Variants in AGBL1 observed in about 807,000 individuals in gnomAD.
AGBL1 encodes the protein AGBL carboxypeptidase 1, also known as cytosolic carboxypeptidase 4.
Under a neutral mutation model 118.9 loss-of-function variants are expected in AGBL1, and 130 were observed. The observed-to-expected ratio is 1.09, with a 90% CI of 0.95 to 1.26. The LOEUF (loss-of-function observed/expected upper bound fraction) is 1.26. Among genes scored for constraint, AGBL1 ranks in the 50% most tolerant of loss-of-function variants. AGBL1 has a pLI of 0.00. For synonymous variants in AGBL1, 555 were observed against 478.9 expected (o/e 1.16, Z -2.08); for missense variants, 1,584 against 1,298.1 (o/e 1.22, Z -3.38).
intron 22 of AGBL1, among the ~76,000 whole-genome samples, chr15:86,754,664 C>G (rs2077908245): frequency 6.6e-6 from 1 of 152,094 alleles, no homozygotes; most frequent in Non-Finnish European, 1.5e-5. Context: ...CCTGGCCTCT[C>G]CTCAGTGACA....
chr15:86,146,012 A>C (rs1223865092), intron 3 of AGBL1, among the ~76,000 whole-genome samples: 1 of 152,186 alleles, frequency 6.6e-6, no homozygotes. Context: ...GACCACAGAG[A>C]CTTGATATAT....
rs867020680 is a variant in AGBL1, at chr15:86,969,696, C to T, written c.3222-18291C>T. On this transcript the variant is annotated intron_variant, in intron 23 of 24. Transcript: ENST00000441037. ...AAGGGTAGATGTACATATATATCTG[C>T]AGATATTTGTTGGTTGAATTTGCAT... 1.3e-5 allele frequency among the ~76,000 whole-genome samples: 2 copies of T among 151,932 alleles called. 1 individual carries two copies. Among genetic ancestry groups the T allele is most frequent in the South Asian group, 4.2e-4 (2 of 4,816 alleles).
intron 17 of AGBL1, among the ~76,000 whole-genome samples, chr15:86,383,247 TAAAAAAAAA>T (rs4035838): frequency 5.5e-5 from 3 of 54,480 alleles, no homozygotes; most frequent in East Asian, 2.5e-3. Context: ...ATTCAGTATG[TAAAAAAAAA>T]AAAAAAAAAA....
intron 22 of AGBL1, among the ~76,000 whole-genome samples, chr15:86,675,929 A>G (rs2085838183): frequency 6.6e-6 from 1 of 152,230 alleles, no homozygotes; most frequent in African/African-American, 2.4e-5. Flanking sequence ...GAAATCTATC[A>G]AAGAAATGCC....
chr15:86,660,662 A>G (rs2085524251), intron 21 of AGBL1, among the ~76,000 whole-genome samples: 1 of 152,056 alleles, frequency 6.6e-6, no homozygotes, highest in African/African-American at 2.4e-5. Flanking sequence ...CAGCAATCTC[A>G]TTGCTTTTAA....
In AGBL1 at chr15:87,016,480, A is replaced by C. The variant is rs568608297; in HGVS notation, c.3324-12345A>C. Reference sequence around the variant, plus strand: ...CAAAGGAAGTCTCAACAAAATACTTATCTCTCTGGCCTTTATTATCTCATC... The same window carrying C: ...CAAAGGAAGTCTCAACAAAATACTTCTCTCTCTGGCCTTTATTATCTCATC... On this transcript the variant is annotated intron_variant, in intron 24 of 24. Coordinates refer to the AGBL1 transcript ENST00000441037. Among the ~76,000 whole-genome samples the C allele has an allele frequency of 3.9e-5, 6 of 152,306 alleles. No homozygotes were observed. In the East Asian group the frequency reaches 5.8e-4, roughly 15 times the overall value.
At chr15:86,689,254 A>G (rs2086118698) in intron 22 of AGBL1, among the ~76,000 whole-genome samples, 1 of 152,142 alleles carries the variant, frequency 6.6e-6, no homozygotes, top group African/African-American at 2.4e-5. Flanking sequence ...CTTAAATGTC[A>G]TAATCTCAGC....
In AGBL1 at chr15:86,987,986, G is replaced by A. The variant is rs773412225; in HGVS notation, c.3222-1G>A. ...ACCACTCATTTATCTGAACATTACA[G>A]ATTAAAATCATCCAATTTCCTGCCA... On this transcript the variant is annotated splice_acceptor_variant, in intron 23 of 24. Coordinates refer to the AGBL1 transcript ENST00000441037. LOFTEE classifies it high-confidence loss of function. The A allele has an allele frequency of 6.2e-7, 1 of 1,613,068 alleles. No homozygotes were observed. The highest frequency in any genetic ancestry group is 1.3e-5 in the African/African-American group (1 of 74,992).
chr15:86,971,497 T>A (rs1054552621), intron 23 of AGBL1, among the ~76,000 whole-genome samples: 37 of 151,894 alleles, frequency 2.4e-4, no homozygotes, highest in African/African-American at 8.5e-4. Flanking sequence ...AGTATGTGGA[T>A]ATGGGGAGAG....
chr15:86,918,255 A>G (rs1335849498), downstream of AGBL1, among the ~76,000 whole-genome samples: 1 of 152,226 alleles, frequency 6.6e-6, no homozygotes, highest in Non-Finnish European at 1.5e-5. Flanking sequence ...CATTTTACAG[A>G]CAAAGAAACA....
At position 86,807,355 on chromosome 15, in the gene AGBL1, G is replaced by T. The variant is rs911324366; in HGVS notation, c.3159-99732G>T. 5.3e-5 allele frequency among the ~76,000 whole-genome samples: 8 copies of T among 152,170 alleles called. 1 individual carries two copies. Among genetic ancestry groups the T allele is most frequent in the African/African-American group, 1.9e-4 (8 of 41,448 alleles). On this transcript the variant is annotated intron_variant, in intron 22 of 22. Transcript: ENST00000614907. Reference sequence around the variant, plus strand: ...TCATAATAACCTGTTGGAGAGAACTGTAAGAGACATCACGTTGGAAGCATT... The same window carrying T: ...TCATAATAACCTGTTGGAGAGAACTTTAAGAGACATCACGTTGGAAGCATT...
chr15:86,768,777 T>C (rs923282929), intron 22 of AGBL1, among the ~76,000 whole-genome samples: 1 of 150,976 alleles, frequency 6.6e-6, no homozygotes, highest in Non-Finnish European at 1.5e-5. Context: ...TTTTCTGCAA[T>C]GTAAGTTCCA....
chr15:86,224,549 C>A (rs111626459), intron 5 of AGBL1, among the ~76,000 whole-genome samples: 119 of 152,126 alleles, frequency 7.8e-4, no homozygotes, highest in Non-Finnish European at 1.5e-3. Flanking sequence ...CTCCAGAGTC[C>A]CTGCAAGTTT....
At chr15:86,490,439 A>AT (rs2082764577) in intron 18 of AGBL1, among the ~76,000 whole-genome samples, 1 of 152,032 alleles carries the variant, frequency 6.6e-6, no homozygotes, top group Non-Finnish European at 1.5e-5. Context: ...GCCTCTGAAG[A>AT]TTTTGTCATT....
At chr15:86,609,300 T>C (rs898771498) in intron 21 of AGBL1, among the ~76,000 whole-genome samples, 4 of 152,124 alleles carry the variant, frequency 2.6e-5, no homozygotes, top group Non-Finnish European at 1.5e-5. Context: ...GAGGAGGAAT[T>C]CAGACCAGAA....
intron 22 of AGBL1, among the ~76,000 whole-genome samples, chr15:86,818,116 C>A (rs1286279600): frequency 1.3e-5 from 2 of 152,124 alleles, no homozygotes; most frequent in East Asian, 1.9e-4. Context: ...ATGTGACACA[C>A]ACACACACAC....
chr15:86,949,652 G>A (rs1008656814), intron 23 of AGBL1, among the ~76,000 whole-genome samples: 2 of 152,060 alleles, frequency 1.3e-5, no homozygotes, highest in Admixed American at 6.6e-5. Context: ...AACTGCTAAT[G>A]TTTTATGTGT....
At chr15:86,917,182 G>A (rs974704682), downstream of AGBL1, among the ~76,000 whole-genome samples, 2 of 152,132 alleles carry the variant, frequency 1.3e-5, no homozygotes, top group Non-Finnish European at 2.9e-5. This position sits in a 1 kb window ranked among gnomAD's most constrained non-coding sequence, Gnocchi z 4.8. Flanking sequence ...GGGGAGAGGC[G>A]TGGCTGCTCT....
intron 22 of AGBL1, among the ~76,000 whole-genome samples, chr15:86,828,131 G>A (rs1423175187): frequency 6.6e-6 from 1 of 151,102 alleles, no homozygotes; most frequent in South Asian, 2.1e-4. Context: ...TTGTAGAGAC[G>A]GGGGTCTCAC....
Sources: allele counts gnomAD v4.1 joint callset (sites outside exome capture counted in the v4.1 genomes callset), GRCh38; gene constraint gnomAD v4.1.1; non-coding constraint Gnocchi (gnomAD v3.1); transcripts MANE v1.5; gene names NCBI Gene and HGNC (gene_info 2026-07-23, HGNC 2026-07-21).